Variants in POFUT3 observed in about 807,000 individuals in gnomAD.
The protein encoded by POFUT3 is GDP-fucose protein O-fucosyltransferase 3.
chr8:33,351,144 A>G, the POFUT3 span, among the ~76,000 whole-genome samples: 1 of 152,058 alleles, frequency 6.6e-6, no homozygotes, highest in African/African-American at 2.4e-5. Context: ...TAGTAGAGAC[A>G]GGGTTTCACC....
chr8:33,372,797 G>T, the POFUT3 span: 1 of 1,613,700 alleles, frequency 6.2e-7, no homozygotes, highest in Non-Finnish European at 8.5e-7. Flanking sequence ...TCTTTTGGGT[G>T]GTAAGCCCTG....
At chr8:33,350,371 T>A in the POFUT3 span, among the ~76,000 whole-genome samples, 609 of 152,260 alleles carry the variant, frequency 4.0e-3, 3 homozygotes, top group African/African-American at 0.014. Context: ...CCAGGCCCTG[T>A]CTTCTCCCTG....
the POFUT3 span, among the ~76,000 whole-genome samples, chr8:33,358,717 AAG>A: frequency 6.6e-6 from 1 of 152,216 alleles, no homozygotes; most frequent in South Asian, 2.1e-4. Context: ...GTCCTTATAA[AAG>A]AGACCCAGAG....
chr8:33,309,268 T>C, the POFUT3 span, among the ~76,000 whole-genome samples: 1 of 148,668 alleles, frequency 6.7e-6, no homozygotes, highest in Non-Finnish European at 1.5e-5. Flanking sequence ...CTGCTTATTA[T>C]ATCAATTTGC....
At chr8:33,414,478 G>A in the POFUT3 span, among the ~76,000 whole-genome samples, 3 of 152,018 alleles carry the variant, frequency 2.0e-5, no homozygotes, top group African/African-American at 7.3e-5. Context: ...GCCTTTCTTT[G>A]AGTCTCATAT....
the POFUT3 span, among the ~76,000 whole-genome samples, chr8:33,395,322 G>A: frequency 5.9e-5 from 9 of 152,074 alleles, no homozygotes; most frequent in East Asian, 1.9e-4. Flanking sequence ...GGAGCAGAGC[G>A]GTGTGGCAGA....
the POFUT3 span, among the ~76,000 whole-genome samples, chr8:33,328,624 G>A: frequency 3.2e-4 from 49 of 152,270 alleles, no homozygotes; most frequent in African/African-American, 9.9e-4. Context: ...TCACCTTCAC[G>A]CATGGAGTAA....
chr8:33,453,405 GA>G, the POFUT3 span: 7 of 1,614,002 alleles, frequency 4.3e-6, no homozygotes, highest in Middle Eastern at 3.3e-4. Flanking sequence ...TCTTTCTTAA[GA>G]AATGAATTAA....
the POFUT3 span, chr8:33,361,460 T>G: frequency 1.3e-5 from 2 of 152,224 alleles, no homozygotes; most frequent in Non-Finnish European, 1.5e-5. Context: ...TTGTATCACA[T>G]TTCATGTTTC....
At chr8:33,409,139 A>G in the POFUT3 span, among the ~76,000 whole-genome samples, 1 of 152,024 alleles carries the variant, frequency 6.6e-6, no homozygotes, top group Non-Finnish European at 1.5e-5. Flanking sequence ...TTTTGCTTTT[A>G]TTGCCCAGGC....
At chr8:33,415,922 G>GT in the POFUT3 span, among the ~76,000 whole-genome samples, 54 of 152,204 alleles carry the variant, frequency 3.5e-4, no homozygotes, top group Middle Eastern at 3.4e-3. Context: ...CTCCCAAACA[G>GT]TTTTTTTAGT....
At chr8:33,440,704 A>C in the POFUT3 span, among the ~76,000 whole-genome samples, 8 of 152,302 alleles carry the variant, frequency 5.3e-5, no homozygotes, top group African/African-American at 1.9e-4. Flanking sequence ...ATCTATTTAC[A>C]TTGCTATCTG....
the POFUT3 span, among the ~76,000 whole-genome samples, chr8:33,443,495 A>G: frequency 6.6e-6 from 1 of 151,932 alleles, no homozygotes; most frequent in Non-Finnish European, 1.5e-5. Flanking sequence ...TCTCAGCTTT[A>G]TTTTATTTAT....
chr8:33,375,056 A>AT, the POFUT3 span, among the ~76,000 whole-genome samples: 5 of 148,666 alleles, frequency 3.4e-5, no homozygotes, highest in South Asian at 4.3e-4. Flanking sequence ...AATTTTTTTT[A>AT]TTTTTTTTTA....
At chr8:33,348,698 T>C in the POFUT3 span, among the ~76,000 whole-genome samples, 3 of 152,230 alleles carry the variant, frequency 2.0e-5, no homozygotes, top group African/African-American at 7.2e-5. Flanking sequence ...AGGAATCATT[T>C]ATGTCCTGAT....
chr8:33,308,852 C>T, the POFUT3 span, among the ~76,000 whole-genome samples: 2 of 151,954 alleles, frequency 1.3e-5, no homozygotes, highest in Non-Finnish European at 2.9e-5. Context: ...GAGACCTCTC[C>T]TCATCTGTGC....
chr8:33,459,198 G>A, the POFUT3 span, among the ~76,000 whole-genome samples: 1 of 151,902 alleles, frequency 6.6e-6, no homozygotes, highest in South Asian at 2.1e-4. Flanking sequence ...AAATTAGCTG[G>A]GCATGGTGGC....
chr8:33,426,753 G>A, the POFUT3 span, among the ~76,000 whole-genome samples: 4 of 152,180 alleles, frequency 2.6e-5, no homozygotes, highest in Non-Finnish European at 5.9e-5. Flanking sequence ...GGGGAAAGGA[G>A]GGCCTGGAAG....
chr8:33,461,503 T>C, the POFUT3 span: 2 of 1,612,414 alleles, frequency 1.2e-6, no homozygotes, highest in South Asian at 2.2e-5. Flanking sequence ...TACCAGGTGT[T>C]CTCTCGTCAG....
Sources: gnomAD v4.1 joint callset for allele counts (sites outside exome capture counted in the v4.1 genomes callset) on GRCh38, gnomAD v4.1.1 for gene constraint, MANE v1.5 for transcripts, NCBI Gene and HGNC (gene_info 2026-07-23, HGNC 2026-07-21) for gene names.